The following PAK6 variants were observed in gnomAD, a reference collection of about 807,000 sequenced individuals.
PAK6 encodes the protein serine/threonine-protein kinase PAK 6.
A neutral mutation model predicts 60.8 loss-of-function variants in PAK6; 33 were observed. The ratio of observed to expected loss-of-function variants is 0.54; its 90% CI spans 0.41 to 0.73. The LOEUF is 0.73. Ranked by LOEUF, PAK6 falls within the 30% of genes least tolerant of loss-of-function variation. The probability of loss-of-function intolerance (pLI) is 0.00; values close to 1 mark genes in which losing one functional copy is unlikely to be tolerated. For missense variants in PAK6, 845 were observed against 904.1 expected (o/e 0.93, Z 0.84); for synonymous variants, 404 against 378.5 (o/e 1.07, Z -0.78).
At chr15:40,252,663 C>G in intron 2 of PAK6, 1 of 1,319,720 alleles carries the variant, frequency 7.6e-7, no homozygotes, top group Non-Finnish European at 1.0e-6. Flanking sequence ...ACGACCTCTT[C>G]GAGCGTTCCT....
chr15:40,265,638 G>T (rs920398652), intron 4 of PAK6, among the ~76,000 whole-genome samples: 1 of 152,184 alleles, frequency 6.6e-6, no homozygotes, highest in African/African-American at 2.4e-5. Flanking sequence ...CCTTCTCCCC[G>T]CATCCCTGCA....
chr15:40,252,360 T>A (rs1300693258), intron 2 of PAK6: 1 of 1,304,296 alleles, frequency 7.7e-7, no homozygotes. Context: ...CCCGCGGCTG[T>A]GGCCAGGCCA....
intron 3 of PAK6, among the ~76,000 whole-genome samples, chr15:40,260,781 A>G (rs1385945032): frequency 6.6e-6 from 1 of 152,162 alleles, no homozygotes; most frequent in East Asian, 1.9e-4. Context: ...AACATTCTTT[A>G]ATATCTTTAA....
At chr15:40,268,289 G>A (rs28638122) in intron 5 of PAK6, among the ~76,000 whole-genome samples, 15,682 of 152,150 alleles carry the variant, frequency 0.1, 1,997 homozygotes, top group East Asian at 0.49. Context: ...CACTGCAGGC[G>A]CTCAGGTCAG....
At chr15:40,254,408 G>T (rs1219593305) in intron 3 of PAK6, among the ~76,000 whole-genome samples, 1 of 152,202 alleles carries the variant, frequency 6.6e-6, no homozygotes, top group East Asian at 1.9e-4. Flanking sequence ...TCCTTGGAGG[G>T]CGAGTAGTGA....
At chr15:40,271,523 T>C (rs2039300952) in intron 5 of PAK6, among the ~76,000 whole-genome samples, 1 of 152,176 alleles carries the variant, frequency 6.6e-6, no homozygotes, top group Non-Finnish European at 1.5e-5. Context: ...TGGGTTTGGC[T>C]GGACCTACCC....
intron 2 of PAK6, among the ~76,000 whole-genome samples, chr15:40,250,369 T>C (rs2038629249): frequency 1.3e-5 from 2 of 152,208 alleles, no homozygotes; most frequent in African/African-American, 4.8e-5. Context: ...TGCAGAAAAC[T>C]GGCGTTGTGA....
chr15:40,242,354 T>C (rs571548123), intron 2 of PAK6, among the ~76,000 whole-genome samples: 6 of 152,190 alleles, frequency 3.9e-5, no homozygotes, highest in Non-Finnish European at 5.9e-5. Flanking sequence ...GAAGGACTCA[T>C]GGGAGGCTGT....
Position 40,272,219 on chromosome 15 carries a change from T to C in PAK6, c.859-5T>C, listed in dbSNP as rs767115491. On this transcript the variant is annotated splice_region_variant and splice_polypyrimidine_tract_variant and intron_variant, in intron 5 of 10. Coordinates refer to ENST00000560346, the Ensembl canonical transcript of PAK6. ...CTGACCCTTCCTGTTGCTTTGTCCC[T>C]GCAGCCCAACTCCTCTTTCCGACCG... The C allele has an allele frequency of 3.1e-6, 5 of 1,603,172 alleles. No homozygotes were observed. The South Asian group carries it at 5.6e-5, about 18-fold the overall frequency.
chr15:40,252,616 G>A, intron 2 of PAK6: 1 of 1,345,514 alleles, frequency 7.4e-7, no homozygotes, highest in Non-Finnish European at 9.9e-7. Flanking sequence ...GCGTTCCCGC[G>A]CCGAGGTCCC....
exon 5 of PAK6, chr15:40,266,305 G>T (rs766971719): frequency 1.9e-6 from 3 of 1,611,948 alleles, no homozygotes; most frequent in East Asian, 2.2e-5. Flanking sequence ...GCCAAGCATG[G>T]CTCTGAGGAG....
At chr15:40,241,048 TC>T (rs1595559487) in intron 2 of PAK6, among the ~76,000 whole-genome samples, 1 of 152,114 alleles carries the variant, frequency 6.6e-6, no homozygotes, top group East Asian at 1.9e-4. Context: ...CACTGCTGGG[TC>T]CCAGGCTCCA....
chr15:40,240,723 T>C, intron 2 of PAK6, 42 bp downstream of exon 2: 1 of 436,238 alleles, frequency 2.3e-6, no homozygotes, highest in Non-Finnish European at 4.6e-6. Flanking sequence ...ATTCCTGGGC[T>C]AGGGACGGGG....
intron 5 of PAK6, among the ~76,000 whole-genome samples, chr15:40,271,191 G>A (rs1053784782): frequency 3.3e-5 from 5 of 152,220 alleles, no homozygotes; most frequent in African/African-American, 1.2e-4. Flanking sequence ...AGGGGTCATG[G>A]TGCATATCAC....
intron 4 of PAK6, 135 bp from the exon 5 acceptor site, chr15:40,265,707 G>T: frequency 1.4e-6 from 1 of 703,046 alleles, no homozygotes; most frequent in Non-Finnish European, 2.2e-6. Flanking sequence ...TTAATGGGTG[G>T]ATGACACAGC....
intron 3 of PAK6, chr15:40,256,961 T>C (rs1368104877): frequency 6.6e-6 from 1 of 152,344 alleles, no homozygotes; most frequent in Non-Finnish European, 1.5e-5. Context: ...TCCCTTGTCA[T>C]CTACAAAAAT....
chr15:40,253,405 G>T, intron 3 of PAK6, 116 bp downstream of exon 3: 4 of 386,102 alleles, frequency 1.0e-5, no homozygotes, highest in Non-Finnish European at 1.0e-5. Flanking sequence ...TCCTGGTACT[G>T]CTAGGCAGCG....
intron 5 of PAK6, 144 bp from the exon 6 acceptor site, chr15:40,272,080 G>C: frequency 1.1e-6 from 1 of 872,820 alleles, no homozygotes; most frequent in South Asian, 1.6e-5. Flanking sequence ...GAAAATCTTT[G>C]CTCAGAGCAC....
At chr15:40,239,095 G>C (rs1595556865), upstream of PAK6, 1 of 152,380 alleles carries the variant, frequency 6.6e-6, no homozygotes, top group African/African-American at 2.4e-5. Context: ...CGCCCCAAAC[G>C]AGCAGGTCGA....
Sources: allele counts gnomAD v4.1 joint callset (sites outside exome capture counted in the v4.1 genomes callset), GRCh38; gene constraint gnomAD v4.1.1; transcripts MANE v1.5; gene names NCBI Gene and HGNC (gene_info 2026-07-23, HGNC 2026-07-21).